SORBS2: variants seen among roughly 807,000 people sequenced by gnomAD.
SORBS2 encodes sorbin and SH3 domain containing 2.
Under a neutral mutation model 97.7 loss-of-function variants are expected in SORBS2, and 46 were observed. The ratio of observed to expected loss-of-function variants is 0.47; its 90% confidence interval spans 0.37 to 0.60. The LOEUF is 0.60. SORBS2 is among the 20% of genes least tolerant of loss of function. SORBS2 has a pLI of 0.00. For synonymous variants in SORBS2, 476 were observed against 473.4 expected (o/e 1.01, Z -0.07); for missense variants, 1,316 against 1,282.3 (o/e 1.03, Z -0.40).
intron 2 of SORBS2, among the ~76,000 whole-genome samples, chr4:185,681,236 C>A (rs1459017223): frequency 6.6e-6 from 1 of 152,076 alleles, no homozygotes; most frequent in Non-Finnish European, 1.5e-5. Context: ...AACACCCAGT[C>A]CTGATTTGCT....
chr4:185,872,264 C>T (rs2099230811), intron 1 of SORBS2, among the ~76,000 whole-genome samples: 1 of 152,124 alleles, frequency 6.6e-6, no homozygotes, highest in Admixed American at 6.5e-5. Context: ...ACAGTGAATG[C>T]AGTTAATTTG....
chr4:185,940,764 C>A (rs369120575), intron 1 of SORBS2, among the ~76,000 whole-genome samples: 1 of 152,140 alleles, frequency 6.6e-6, no homozygotes, highest in South Asian at 2.1e-4. Context: ...GTTTTCTCAT[C>A]GCTGCAAAAT....
chr4:185,827,181 A>ATC (rs1561210817), intron 1 of SORBS2, among the ~76,000 whole-genome samples: 1 of 19,172 alleles, frequency 5.2e-5, no homozygotes, highest in Non-Finnish European at 1.4e-4. Flanking sequence ...CCATCATCAG[A>ATC]ATCACCATCA....
In SORBS2 at chr4:185,606,228, G is replaced by A. The variant is rs1263079974; in HGVS notation, c.2796+5552C>T. ...GTCACACACCTCACTGGGTTTTGAC[G>A]ATTAAAGATGTGGAGTTTTTAGAAT... On this transcript the variant is annotated intron_variant, in intron 12 of 14. Coordinates refer to ENST00000418609, the Ensembl canonical transcript of SORBS2. This position sits in a 1 kb window ranked among gnomAD's most constrained non-coding sequence, Gnocchi z 4.3. 31 of 985,202 alleles carry A rather than the reference G, an allele frequency of 3.1e-5. No individual in the cohort carries two copies. Among genetic ancestry groups the A allele is most frequent in the East Asian group, 1.1e-4 (1 of 8,814 alleles). The allele number at this position is 985,202 out of a possible 1,614,324, so 61.0% of individuals were successfully genotyped here.
chr4:185,911,541 T>G (rs888162484), intron 1 of SORBS2, among the ~76,000 whole-genome samples: 4 of 152,024 alleles, frequency 2.6e-5, no homozygotes, highest in African/African-American at 9.7e-5. Flanking sequence ...TCTCCTTGAG[T>G]GCGCAAGTTT....
chr4:185,883,946 T>C (rs1256481427), intron 1 of SORBS2, among the ~76,000 whole-genome samples: 1 of 152,230 alleles, frequency 6.6e-6, no homozygotes, highest in Non-Finnish European at 1.5e-5. Flanking sequence ...GTCACGTAAG[T>C]CCACATACTG....
chr4:185,626,150 A>C (rs2153426931), intron 6 of SORBS2, among the ~76,000 whole-genome samples: 1 of 152,162 alleles, frequency 6.6e-6, no homozygotes, highest in African/African-American at 2.4e-5. Context: ...TTCAACAGTG[A>C]GCTCCCTACA....
intron 2 of SORBS2, among the ~76,000 whole-genome samples, chr4:185,746,713 A>T (rs552747939): frequency 1.3e-5 from 2 of 152,332 alleles, no homozygotes; most frequent in South Asian, 4.1e-4. Context: ...TGGTTGACAC[A>T]TGGTGAGGAA....
intron 2 of SORBS2, among the ~76,000 whole-genome samples, chr4:185,753,766 A>C (rs1409187888): frequency 3.3e-5 from 5 of 152,222 alleles, no homozygotes; most frequent in Non-Finnish European, 7.3e-5. Context: ...TTCTTTCAAA[A>C]TCATAGCACC....
intron 2 of SORBS2, among the ~76,000 whole-genome samples, chr4:185,720,240 G>A (rs769170189): frequency 6.6e-6 from 1 of 152,184 alleles, no homozygotes; most frequent in Non-Finnish European, 1.5e-5. Context: ...CATCTTTTAT[G>A]TTTAACCTCT....
At chr4:185,791,032 G>A (rs2099077627) in intron 1 of SORBS2, among the ~76,000 whole-genome samples, 1 of 152,312 alleles carries the variant, frequency 6.6e-6, no homozygotes, top group East Asian at 1.9e-4. Flanking sequence ...GCTTTTAAGA[G>A]CATGGCAATG....
chr4:185,820,274 C>G (rs2099195946), intron 1 of SORBS2, among the ~76,000 whole-genome samples: 1 of 152,204 alleles, frequency 6.6e-6, no homozygotes, highest in African/African-American at 2.4e-5. Context: ...AGGCTCCCTG[C>G]AACCTCACCT....
At chr4:185,938,805 C>T (rs2099270411) in intron 1 of SORBS2, among the ~76,000 whole-genome samples, 1 of 152,148 alleles carries the variant, frequency 6.6e-6, no homozygotes, top group African/African-American at 2.4e-5. Context: ...CTGCCTTCAT[C>T]CCCTGCTCCT....
chr4:185,935,182 C>A (rs2099268378), intron 1 of SORBS2, among the ~76,000 whole-genome samples: 1 of 152,184 alleles, frequency 6.6e-6, no homozygotes, highest in South Asian at 2.1e-4. Context: ...AAAACCCGAT[C>A]CAAATTCAAT....
At chr4:185,888,081 T>TATTATTA (rs56214446) in intron 1 of SORBS2, among the ~76,000 whole-genome samples, 1 of 151,638 alleles carries the variant, frequency 6.6e-6, no homozygotes, top group Non-Finnish European at 1.5e-5. Flanking sequence ...TTATTATTAT[T>TATTATTA]TTGCTTTCTG....
At chr4:185,758,781 C>T (rs926882807) in intron 2 of SORBS2, among the ~76,000 whole-genome samples, 1 of 152,228 alleles carries the variant, frequency 6.6e-6, no homozygotes, top group Non-Finnish European at 1.5e-5. Context: ...GAAGGCCACT[C>T]ACACTTTAGG....
chr4:185,713,532 A>T (rs1418888434), intron 2 of SORBS2, among the ~76,000 whole-genome samples: 1 of 151,780 alleles, frequency 6.6e-6, no homozygotes, highest in Non-Finnish European at 1.5e-5. Flanking sequence ...CGTTCAGTCC[A>T]CGTACTGGCA....
At chr4:185,897,063 C>T (rs1005555367) in intron 1 of SORBS2, among the ~76,000 whole-genome samples, 1 of 152,240 alleles carries the variant, frequency 6.6e-6, no homozygotes, top group East Asian at 1.9e-4. Flanking sequence ...TCTCTGCTCA[C>T]TTCTGCCTTC....
chr4:185,746,398 C>T (rs925426910), intron 2 of SORBS2, among the ~76,000 whole-genome samples: 1 of 152,180 alleles, frequency 6.6e-6, no homozygotes, highest in Admixed American at 6.5e-5. Context: ...CTCGCTGCAA[C>T]CTCCGCGTCC....
Sources: allele counts gnomAD v4.1 joint callset (sites outside exome capture counted in the v4.1 genomes callset), GRCh38; gene constraint gnomAD v4.1.1; non-coding constraint Gnocchi (gnomAD v3.1); transcripts MANE v1.5; gene names NCBI Gene and HGNC (gene_info 2026-07-23, HGNC 2026-07-21).